TASP1: variants seen among roughly 807,000 people sequenced by gnomAD.
TASP1 encodes taspase 1.
Under a neutral mutation model 56.6 loss-of-function variants are expected in TASP1, and 16 were observed. The ratio of observed to expected loss-of-function variants is 0.28; its 90% CI spans 0.19 to 0.43. The LOEUF (loss-of-function observed/expected upper bound fraction) is 0.43. TASP1 is among the 20% of genes least tolerant of loss of function. The pLI is 1.00. For missense variants in TASP1, 393 were observed against 511.6 expected, an observed-to-expected ratio of 0.77 and a Z score of 2.24; for synonymous variants, 179 against 184.2, an observed-to-expected ratio of 0.97 and a Z score of 0.23.
At chr20:13,564,671 C>T (rs2046453538) in intron 7 of TASP1, among the ~76,000 whole-genome samples, 1 of 151,760 alleles carries the variant, frequency 6.6e-6, no homozygotes. Flanking sequence ...AGTCTCACTT[C>T]CTAATTTCAA....
chr20:13,128,081 G>A, the TASP1 span, among the ~76,000 whole-genome samples: 1 of 152,192 alleles, frequency 6.6e-6, no homozygotes, highest in Non-Finnish European at 1.5e-5. Context: ...CAATATTTAT[G>A]AGCCAAGGTT....
At chr20:13,322,143 C>T in the TASP1 span, among the ~76,000 whole-genome samples, 1 of 152,186 alleles carries the variant, frequency 6.6e-6, no homozygotes, top group South Asian at 2.1e-4. Flanking sequence ...TAAAGAGATT[C>T]TCCTCCTGAA....
chr20:13,329,555 T>G, the TASP1 span, among the ~76,000 whole-genome samples: 1 of 152,232 alleles, frequency 6.6e-6, no homozygotes, highest in Non-Finnish European at 1.5e-5. Flanking sequence ...GCTTTTGTTT[T>G]TTTTCATTTC....
the TASP1 span, among the ~76,000 whole-genome samples, chr20:13,350,966 G>GAAAAAAAA: frequency 8.1e-6 from 1 of 122,838 alleles, no homozygotes; most frequent in African/African-American, 2.8e-5. Flanking sequence ...TTCCAAAAGT[G>GAAAAAAAA]AAAAAAAAAA....
chr20:13,505,746 G>A lies in TASP1; in HGVS notation c.875-22409C>T, dbSNP rs886482686. On this transcript the variant is annotated intron_variant, in intron 10 of 13. Transcript: ENST00000337743. Reference sequence around the variant, plus strand: ...GGAAACACAACATAACAAAATGTATGTGTGCAGAAAAAGCAGTTCTAAAAC... The same window carrying A: ...GGAAACACAACATAACAAAATGTATATGTGCAGAAAAAGCAGTTCTAAAAC... Among the ~76,000 whole-genome samples, 2 of 152,068 alleles carry A rather than the reference G, an allele frequency of 1.3e-5. 1 individual carries two copies. Among genetic ancestry groups the A allele is most frequent in the Non-Finnish European group, 2.9e-5 (2 of 67,998 alleles).
At chr20:13,290,840 T>G in the TASP1 span, among the ~76,000 whole-genome samples, 1 of 152,234 alleles carries the variant, frequency 6.6e-6, no homozygotes, top group East Asian at 1.9e-4. Context: ...TTGTACTCAT[T>G]CGACAGCTAT....
At chr20:13,536,204 A>G (rs1330359606) in intron 8 of TASP1, among the ~76,000 whole-genome samples, 1 of 152,160 alleles carries the variant, frequency 6.6e-6, no homozygotes, top group Non-Finnish European at 1.5e-5. Context: ...GAACTATCCA[A>G]GACTGTATAT....
chr20:13,350,621 A>G, the TASP1 span, among the ~76,000 whole-genome samples: 1 of 152,198 alleles, frequency 6.6e-6, no homozygotes, highest in African/African-American at 2.4e-5. Context: ...TCATCATAAT[A>G]TATAAAGAAT....
intron 13 of TASP1, among the ~76,000 whole-genome samples, chr20:13,390,738 G>A (rs903197302): frequency 5.3e-5 from 8 of 152,184 alleles, no homozygotes; most frequent in African/African-American, 1.9e-4. Context: ...CGCACAGAAT[G>A]TATAGTTTAA....
intron 4 of TASP1, among the ~76,000 whole-genome samples, chr20:13,596,712 A>C (rs770291404): frequency 6.6e-6 from 1 of 152,246 alleles, no homozygotes; most frequent in African/African-American, 2.4e-5. Context: ...CAGAGACACA[A>C]AAAACCCTTC....
chr20:13,391,967 CAA>C (rs36124207), intron 13 of TASP1, among the ~76,000 whole-genome samples: 20 of 71,860 alleles, frequency 2.8e-4, no homozygotes, highest in Admixed American at 3.4e-4. Context: ...GACTCCGTCT[CAA>C]AAAAAAAAAA....
At chr20:13,556,682 T>C (rs2046168804) in intron 8 of TASP1, among the ~76,000 whole-genome samples, 2 of 152,232 alleles carry the variant, frequency 1.3e-5, no homozygotes, top group Admixed American at 1.3e-4. Flanking sequence ...ATTCCTGTAA[T>C]GTGCCAAACT....
At chr20:13,606,140 T>C (rs1003347634) in intron 4 of TASP1, among the ~76,000 whole-genome samples, 8 of 150,322 alleles carry the variant, frequency 5.3e-5, no homozygotes, top group East Asian at 2.0e-4. Context: ...TGCGTGCGTG[T>C]GTGTGTGTGT....
At chr20:13,569,645 T>A in intron 6 of TASP1, 59 bp from the exon 7 acceptor site, 1 of 1,389,714 alleles carries the variant, frequency 7.2e-7, no homozygotes, top group East Asian at 2.3e-5. Flanking sequence ...ACATATTCAA[T>A]AAATATAGGT....
At chr20:13,473,222 C>T (rs890947833) in intron 11 of TASP1, among the ~76,000 whole-genome samples, 5 of 151,362 alleles carry the variant, frequency 3.3e-5, no homozygotes, top group Admixed American at 6.6e-5. Context: ...TCATTCTCAG[C>T]AAACTATTGC....
At chr20:13,286,417 T>C in the TASP1 span, among the ~76,000 whole-genome samples, 2 of 151,930 alleles carry the variant, frequency 1.3e-5, no homozygotes, top group South Asian at 4.2e-4. Flanking sequence ...TAAGAGATGG[T>C]AGAGAGGAAA....
At chr20:13,117,613 C>A in the TASP1 span, 1 of 1,614,056 alleles carries the variant, frequency 6.2e-7, no homozygotes, top group African/African-American at 1.3e-5. Context: ...GTGGGCCCAA[C>A]CGGCCGGGGT....
chr20:13,599,283 A>G (rs1281276720), intron 4 of TASP1, among the ~76,000 whole-genome samples: 1 of 152,134 alleles, frequency 6.6e-6, no homozygotes, highest in Non-Finnish European at 1.5e-5. Context: ...CAACCTAAAC[A>G]TCCATCAATG....
the TASP1 span, among the ~76,000 whole-genome samples, chr20:13,179,850 C>T: frequency 9.9e-5 from 15 of 152,124 alleles, no homozygotes; most frequent in Non-Finnish European, 1.6e-4. Context: ...ACCCAGCTTC[C>T]GTGAGGATAA....
Sources: allele counts gnomAD v4.1 joint callset (sites outside exome capture counted in the v4.1 genomes callset), GRCh38; gene constraint gnomAD v4.1.1; transcripts MANE v1.5; gene names NCBI Gene and HGNC (gene_info 2026-07-23, HGNC 2026-07-21).